The following MORC4 variants were observed in gnomAD, a reference collection of about 807,000 sequenced individuals.
MORC4 encodes the protein MORC family CW-type zinc finger protein 4.
Under a neutral mutation model 65.5 loss-of-function variants are expected in MORC4, and 22 were observed. That is an observed-to-expected ratio of 0.34 (90% CI 0.24 to 0.48). The LOEUF is 0.48. MORC4 is among the 20% of genes least tolerant of loss of function. The pLI is 0.99. For synonymous variants in MORC4, 267 were observed against 255.8 expected, an observed-to-expected ratio of 1.04 and a Z score of -0.42; for missense variants, 624 against 703.0, an observed-to-expected ratio of 0.89 and a Z score of 1.27.
At chrX:106,951,399 A>G in intron 14 of MORC4, among the ~76,000 whole-genome samples, 1 of 111,319 alleles carries the variant, frequency 9.0e-6, no homozygotes, top group South Asian at 3.8e-4. Context: ...TTTTTGAGAC[A>G]GGGTCTTGCT....
At chrX:106,952,846 C>G (rs1934007969) in intron 14 of MORC4, among the ~76,000 whole-genome samples, 1 of 111,896 alleles carries the variant, frequency 8.9e-6, no homozygotes, top group South Asian at 3.8e-4. Flanking sequence ...AATGTTTTAT[C>G]AGAAATCCTA....
chrX:106,952,096 ACCT>A (rs1051878784), intron 14 of MORC4, among the ~76,000 whole-genome samples: 2 of 108,465 alleles, frequency 1.8e-5, no homozygotes. Flanking sequence ...GACTACTCAA[ACCT>A]CCTTCATCTT....
intron 15 of MORC4, 76 bp from the exon 16 acceptor site, chrX:106,942,297 G>C: frequency 9.2e-7 from 1 of 1,083,199 alleles, no homozygotes; most frequent in Admixed American, 2.7e-5. Flanking sequence ...TGGTCATCCT[G>C]TGATTCCACT....
intron 14 of MORC4, among the ~76,000 whole-genome samples, chrX:106,954,064 A>G (rs111827120): frequency 0.024 from 2,696 of 112,881 alleles, 87 homozygotes; most frequent in African/African-American, 0.081. Context: ...GGGAGGTTGC[A>G]GTGAGCCAAG....
In MORC4 at chrX:106,956,973, T is replaced by C; in HGVS notation, c.1417A>G (p.Thr473Ala). Residue 473 changes from threonine (T) to alanine (A), a missense_variant, in exon 12 of 17, where the codon ACT becomes GCT. By Grantham distance (58) the Thr-to-Ala change is moderately conservative. Transcript: ENST00000355610. ...RCSVPEEQEL[T>A]DEDLCLSKAK... The stretch of plus-strand genomic sequence containing the variant: ...TTGCTCAAGCACAGGTCTTCATCAG[T>C]GAGTTCTTGTTCCTCTGGAACAGAG... 1 of 1,200,396 alleles carries C rather than the reference T, an allele frequency of 8.3e-7. No homozygotes were observed.
At chrX:106,944,855 C>T (rs1933784906) in intron 14 of MORC4, among the ~76,000 whole-genome samples, 1 of 111,605 alleles carries the variant, frequency 9.0e-6, no homozygotes, top group Admixed American at 9.5e-5. Flanking sequence ...ACTACCTTTC[C>T]TGGACTACTG....
chrX:106,963,895 A>C (rs1230380174), intron 9 of MORC4, among the ~76,000 whole-genome samples: 55 of 110,792 alleles, frequency 5.0e-4, no homozygotes, highest in African/African-American at 1.2e-3. Flanking sequence ...ACAACAACAA[A>C]AAAAAACCCA....
chrX:106,942,989 C>G lies in MORC4; in HGVS notation c.1902G>C (p.Lys634Asn), dbSNP rs1425376092. 1 of 1,209,688 alleles carries G rather than the reference C, an allele frequency of 8.3e-7. No homozygotes were observed. Among genetic ancestry groups the G allele is most frequent in the East Asian group, 3.0e-5 (1 of 33,761 alleles). ...AAACCTCCCTATTCTGACCTGTATTCTTGCTTGCTTCTGGGTATTCTGGGA... is the reference window on the plus strand; with the variant it reads ...AAACCTCCCTATTCTGACCTGTATTGTTGCTTGCTTCTGGGTATTCTGGGA... ...YLFPEYPEAS[K>N]NTGQNREVSI... is the part of the protein sequence containing the mutation. The change falls in exon 15 of 17, where the codon AAG (lysine) becomes AAC (asparagine). Residue 634 changes from lysine (K) to asparagine (N), a missense_variant. Lys to Asn is a moderately conservative substitution (Grantham distance 94, BLOSUM62 0). Transcript: ENST00000355610.
chrX:106,955,888 G>C (rs1934094913), intron 13 of MORC4, among the ~76,000 whole-genome samples: 1 of 111,548 alleles, frequency 9.0e-6, no homozygotes, highest in African/African-American at 3.3e-5. Flanking sequence ...GGCAAGGTTG[G>C]GAGGGAAAGA....
chrX:106,990,430 T>C (rs1168775237), intron 3 of MORC4, among the ~76,000 whole-genome samples: 2 of 110,341 alleles, frequency 1.8e-5, no homozygotes, highest in Non-Finnish European at 3.8e-5. Context: ...CTAATTTTTG[T>C]ATTTTTTTGT....
At chrX:106,996,613 C>T (rs1192885941) in intron 2 of MORC4, among the ~76,000 whole-genome samples, 2 of 111,336 alleles carry the variant, frequency 1.8e-5, no homozygotes, top group Non-Finnish European at 3.8e-5. Flanking sequence ...TCCCCTAACC[C>T]GGCCCATCCA....
intron 4 of MORC4, among the ~76,000 whole-genome samples, chrX:106,985,692 A>G (rs925940795): frequency 6.4e-5 from 7 of 110,189 alleles, no homozygotes; most frequent in Non-Finnish European, 1.3e-4. Flanking sequence ...AAAAAAAAAA[A>G]GGAAGGCCTT....
intron 9 of MORC4, among the ~76,000 whole-genome samples, chrX:106,964,506 G>T (rs753224026): frequency 1.5e-4 from 17 of 111,481 alleles, no homozygotes; most frequent in Non-Finnish European, 2.6e-4. Flanking sequence ...TTTGATGAAA[G>T]ACACGAATAT....
chrX:106,987,178 A>C (rs1229120994), intron 3 of MORC4, among the ~76,000 whole-genome samples: 1 of 111,283 alleles, frequency 9.0e-6, no homozygotes, highest in Non-Finnish European at 1.9e-5. Context: ...GACTATAATT[A>C]GCAATAATAC....
At chrX:106,987,727 C>T (rs1483051375) in intron 3 of MORC4, among the ~76,000 whole-genome samples, 2 of 111,349 alleles carry the variant, frequency 1.8e-5, no homozygotes, top group Non-Finnish European at 3.8e-5. Context: ...AAGGGAACCA[C>T]CTTTTAATTT....
rs970463860 is a variant in MORC4 at position 106,994,810 on chromosome X, G to A, written c.176-1448C>T. On this transcript the variant is annotated intron_variant, in intron 2 of 16. Coordinates refer to ENST00000355610, the MANE Select transcript of MORC4 (RefSeq NM_024657.5). The stretch of plus-strand genomic sequence containing the variant: ...TTTTTTTTCATTTAGAAGGCCCTAA[G>A]GGAAAGTTTATTTCATATGAGTGGC... 8.2e-5 allele frequency among the ~76,000 whole-genome samples: 9 copies of A among 110,095 alleles called. 1 individual carries two copies. Among genetic ancestry groups the A allele is most frequent in the Admixed American group, 4.8e-4 (5 of 10,417 alleles).
At chrX:106,984,619 CCA>C (rs1279712720) in intron 5 of MORC4, among the ~76,000 whole-genome samples, 1 of 105,983 alleles carries the variant, frequency 9.4e-6, no homozygotes, top group East Asian at 3.0e-4. Flanking sequence ...CAGGCACACA[CCA>C]CCATGCCCAG....
chrX:106,966,714 C>A (rs768108884), intron 9 of MORC4, among the ~76,000 whole-genome samples: 1 of 112,873 alleles, frequency 8.9e-6, no homozygotes, highest in African/African-American at 3.2e-5. Context: ...ACCTGGAACA[C>A]GGGAGCTTGG....
At chrX:106,956,066 TA>T (rs944285878) in intron 13 of MORC4, among the ~76,000 whole-genome samples, 14 of 111,087 alleles carry the variant, frequency 1.3e-4, no homozygotes, top group Admixed American at 1.2e-3. Flanking sequence ...AAAGCAGGGA[TA>T]GGGGAGGAGT....
Sources: allele counts gnomAD v4.1 joint callset (sites outside exome capture counted in the v4.1 genomes callset), GRCh38; gene constraint gnomAD v4.1.1; transcripts MANE v1.5; gene names NCBI Gene and HGNC (gene_info 2026-07-23, HGNC 2026-07-21).